The following MIS18A variants were observed in gnomAD, a reference collection of about 807,000 sequenced individuals.
MIS18A encodes the protein protein Mis18-alpha.
A neutral mutation model predicts 25.0 loss-of-function variants in MIS18A; 14 were observed. The observed-to-expected ratio is 0.56, with a 90% CI of 0.37 to 0.88. The LOEUF is 0.88. MIS18A is among the 40% of genes least tolerant of loss of function. MIS18A has a pLI of 0.00. For synonymous variants in MIS18A, 134 were observed against 118.6 expected (o/e 1.13, Z -0.84); for missense variants, 292 against 290.8 (o/e 1.00, Z -0.03).
At chr21:32,227,483 A>C in the MIS18A span, among the ~76,000 whole-genome samples, 1 of 152,176 alleles carries the variant, frequency 6.6e-6, no homozygotes, top group Non-Finnish European at 1.5e-5. Flanking sequence ...TATTCTTAGA[A>C]AGATAAAACA....
chr21:32,156,102 T>C, the MIS18A span, among the ~76,000 whole-genome samples: 3 of 152,232 alleles, frequency 2.0e-5, no homozygotes, highest in Non-Finnish European at 4.4e-5. Flanking sequence ...TGACCCTTTT[T>C]TAACCAGAGC....
the MIS18A span, among the ~76,000 whole-genome samples, chr21:32,162,716 A>T: frequency 6.6e-6 from 1 of 152,210 alleles, no homozygotes; most frequent in African/African-American, 2.4e-5. Context: ...CCAGTGTTCA[A>T]TAATGAGTGA....
At chr21:32,199,693 A>G in the MIS18A span, among the ~76,000 whole-genome samples, 1 of 152,156 alleles carries the variant, frequency 6.6e-6, no homozygotes, top group Non-Finnish European at 1.5e-5. Flanking sequence ...CTGTAATCCC[A>G]GCTTCTCTGG....
At chr21:32,206,568 T>A in the MIS18A span, among the ~76,000 whole-genome samples, 2 of 152,120 alleles carry the variant, frequency 1.3e-5, no homozygotes, top group African/African-American at 4.8e-5. Flanking sequence ...ATACACAACT[T>A]GGTTCAGCAC....
chr21:32,222,755 C>CA, the MIS18A span, among the ~76,000 whole-genome samples: 14 of 312 alleles, frequency 0.045, no homozygotes, highest in Admixed American at 0.26. Context: ...CATGGTGAAA[C>CA]CTGTCTCTAA....
At chr21:32,261,307 G>A in the MIS18A span, 1 of 152,154 alleles carries the variant, frequency 6.6e-6, no homozygotes, top group Non-Finnish European at 1.5e-5. Context: ...ACTCACTGGC[G>A]GCCTTCAAGA....
At chr21:32,259,000 G>A in the MIS18A span, among the ~76,000 whole-genome samples, 2 of 148,338 alleles carry the variant, frequency 1.3e-5, no homozygotes, top group African/African-American at 2.5e-5. Context: ...CAGCCTCCAG[G>A]GTGGCTGGGA....
At chr21:32,204,912 C>T in the MIS18A span, among the ~76,000 whole-genome samples, 1 of 151,874 alleles carries the variant, frequency 6.6e-6, no homozygotes, top group Non-Finnish European at 1.5e-5. Context: ...TAATTTAAAA[C>T]AACAGCAACC....
the MIS18A span, among the ~76,000 whole-genome samples, chr21:32,229,146 G>A: frequency 6.6e-6 from 1 of 152,022 alleles, no homozygotes; most frequent in Non-Finnish European, 1.5e-5. Context: ...AGTCCCTTGG[G>A]ATTCTTACAA....
the MIS18A span, among the ~76,000 whole-genome samples, chr21:32,220,220 A>C: frequency 6.6e-6 from 1 of 152,174 alleles, no homozygotes; most frequent in African/African-American, 2.4e-5. Context: ...CACCTCATAC[A>C]GGAGAGCTCC....
At chr21:32,170,595 AG>A in the MIS18A span, among the ~76,000 whole-genome samples, 2 of 152,126 alleles carry the variant, frequency 1.3e-5, no homozygotes, top group Non-Finnish European at 2.9e-5. Context: ...AGGAATAGAA[AG>A]GGGAAAAAAT....
chr21:32,212,817 C>T, the MIS18A span, among the ~76,000 whole-genome samples: 610 of 152,098 alleles, frequency 4.0e-3, 4 homozygotes, highest in Non-Finnish European at 5.8e-3. Context: ...GTTTCCCCTG[C>T]ACAAGCTCTC....
chr21:32,165,055 C>G, the MIS18A span, among the ~76,000 whole-genome samples: 1 of 152,132 alleles, frequency 6.6e-6, no homozygotes, highest in African/African-American at 2.4e-5. Flanking sequence ...ATTACTTGGC[C>G]GGGCACGGTG....
At chr21:32,234,293 C>T in the MIS18A span, among the ~76,000 whole-genome samples, 3 of 152,144 alleles carry the variant, frequency 2.0e-5, no homozygotes, top group Non-Finnish European at 2.9e-5. Context: ...AGAAAGCAGT[C>T]CTGATGCTGA....
At chr21:32,237,104 G>C in the MIS18A span, among the ~76,000 whole-genome samples, 1 of 150,600 alleles carries the variant, frequency 6.6e-6, no homozygotes, top group South Asian at 2.1e-4. Context: ...TGAGATGTGG[G>C]CAGAAGTGAC....
rs966082360 is a variant in MIS18A, at chr21:32,278,981, C to T, written c.34G>A (p.Gly12Arg). The T allele has an allele frequency of 6.2e-7, 1 of 1,610,640 alleles. No homozygotes were observed. The highest frequency in any genetic ancestry group is 1.3e-5 in the African/African-American group (1 of 74,956). Residue 12 changes from glycine to arginine, a missense_variant, in exon 1 of 5, where the codon GGA (glycine) becomes AGA (arginine). Gly to Arg is a moderately radical substitution (Grantham distance 125). Coordinates refer to ENST00000290130, the MANE Select transcript of MIS18A (RefSeq NM_018944.3). ...CCGCACTCACAGCCGCCAGCGCATC[C>T]TCTGCTACACCTCAGTGACCGAACG... ...AGVRSLRCSR[G>R]CAGGCECGDK...
At chr21:32,217,262 A>G in the MIS18A span, among the ~76,000 whole-genome samples, 2 of 152,182 alleles carry the variant, frequency 1.3e-5, no homozygotes, top group Non-Finnish European at 2.9e-5. Context: ...ATGATGTTTC[A>G]CTATATAGAG....
chr21:32,241,014 G>A, the MIS18A span, among the ~76,000 whole-genome samples: 8 of 152,152 alleles, frequency 5.3e-5, no homozygotes, highest in South Asian at 2.1e-4. Flanking sequence ...AGCTGAAACC[G>A]AAGCCTGTCA....
chr21:32,173,181 A>G, the MIS18A span, among the ~76,000 whole-genome samples: 1 of 152,332 alleles, frequency 6.6e-6, no homozygotes, highest in Admixed American at 6.5e-5. Flanking sequence ...CATAGAAAGG[A>G]AGCAACCATC....
Sources: gnomAD v4.1 joint callset for allele counts (sites outside exome capture counted in the v4.1 genomes callset) on GRCh38, gnomAD v4.1.1 for gene constraint, MANE v1.5 for transcripts, NCBI Gene and HGNC (gene_info 2026-07-23, HGNC 2026-07-21) for gene names.